CHLSN: variants seen among roughly 807,000 people sequenced by gnomAD.
The protein encoded by CHLSN is protein cholesin.
chr7:987,199 G>C, the CHLSN span: 1,081 of 1,549,506 alleles, frequency 7.0e-4, 7 homozygotes, highest in African/African-American at 0.013. Flanking sequence ...CCTCGGCCAC[G>C]CTGCAGTGGG....
the CHLSN span, among the ~76,000 whole-genome samples, chr7:1,014,813 C>T: frequency 8.5e-3 from 1,240 of 145,640 alleles, 13 homozygotes; most frequent in African/African-American, 0.032. Flanking sequence ...GATCCGGCCA[C>T]GGCAGCGTTC....
chr7:1,014,433 C>T, the CHLSN span, among the ~76,000 whole-genome samples: 3 of 152,266 alleles, frequency 2.0e-5, no homozygotes, highest in Non-Finnish European at 2.9e-5. Context: ...TTCCGCCCAC[C>T]CCACCCGTCC....
At chr7:1,055,354 G>A in the CHLSN span, 3 of 470,894 alleles carry the variant, frequency 6.4e-6, no homozygotes, top group East Asian at 6.9e-5. Context: ...AAGAGCCTGC[G>A]GGTTTGCAGA....
At chr7:1,040,183 T>TAAAAAAAAAA in the CHLSN span, among the ~76,000 whole-genome samples, 5 of 74,526 alleles carry the variant, frequency 6.7e-5, no homozygotes, top group African/African-American at 2.3e-4. Flanking sequence ...AAAATAAATT[T>TAAAAAAAAAA]AAAAAAAAAA....
chr7:1,035,291 G>A, the CHLSN span, among the ~76,000 whole-genome samples: 1 of 152,264 alleles, frequency 6.6e-6, no homozygotes, highest in Non-Finnish European at 1.5e-5. Flanking sequence ...CTGGTGTCAT[G>A]TCTTTGTGAC....
the CHLSN span, chr7:1,044,439 G>A: frequency 2.0e-5 from 3 of 151,338 alleles, no homozygotes; most frequent in African/African-American, 7.3e-5. Context: ...GCGGTTCCCC[G>A]CGGTCTAGCC....
chr7:1,090,009 G>A, the CHLSN span, among the ~76,000 whole-genome samples: 331 of 151,924 alleles, frequency 2.2e-3, 3 homozygotes, highest in African/African-American at 6.4e-3. Context: ...ACTCTAACCC[G>A]GGAGGCGGCA....
the CHLSN span, among the ~76,000 whole-genome samples, chr7:1,079,238 G>A: frequency 6.6e-6 from 1 of 152,258 alleles, no homozygotes; most frequent in Non-Finnish European, 1.5e-5. Context: ...ACACACCTGA[G>A]GCTGCGGAGG....
the CHLSN span, among the ~76,000 whole-genome samples, chr7:1,071,029 C>T: frequency 1.3e-5 from 2 of 152,254 alleles, no homozygotes; most frequent in Non-Finnish European, 1.5e-5. Flanking sequence ...CATGCACACA[C>T]ATGTACATGC....
At chr7:1,110,852 A>C in the CHLSN span, among the ~76,000 whole-genome samples, 3 of 152,308 alleles carry the variant, frequency 2.0e-5, no homozygotes, top group Non-Finnish European at 4.4e-5. Flanking sequence ...GCAATTCACA[A>C]AAAAAAACCA....
chr7:1,075,541 AAAAG>A, the CHLSN span, among the ~76,000 whole-genome samples: 1 of 151,988 alleles, frequency 6.6e-6, no homozygotes, highest in Non-Finnish European at 1.5e-5. Flanking sequence ...AAATTAAAAA[AAAAG>A]GAAAAGAAAC....
the CHLSN span, among the ~76,000 whole-genome samples, chr7:1,099,255 G>A: frequency 6.0e-5 from 9 of 149,262 alleles, no homozygotes; most frequent in East Asian, 4.0e-4. Context: ...TTCCTGCAGC[G>A]GCCTCCCCTT....
At chr7:1,077,160 A>T in the CHLSN span, among the ~76,000 whole-genome samples, 1 of 151,932 alleles carries the variant, frequency 6.6e-6, no homozygotes, top group Admixed American at 6.6e-5. Context: ...ATTTTTATTT[A>T]TTTTTATTTT....
chr7:1,070,875 CGT>C, the CHLSN span, among the ~76,000 whole-genome samples: 2 of 147,176 alleles, frequency 1.4e-5, no homozygotes. Context: ...GGTGCGCACA[CGT>C]GCACATGCAC....
At chr7:1,016,390 C>T in the CHLSN span, among the ~76,000 whole-genome samples, 3 of 75,408 alleles carry the variant, frequency 4.0e-5, no homozygotes, top group Admixed American at 1.3e-4. Flanking sequence ...CAGCAGCACA[C>T]GCCAGCACAC....
chr7:1,083,202 G>A, the CHLSN span, among the ~76,000 whole-genome samples: 839 of 152,350 alleles, frequency 5.5e-3, 8 homozygotes, highest in African/African-American at 0.019. Flanking sequence ...TGGGAGACCC[G>A]CAAAACTGCC....
the CHLSN span, among the ~76,000 whole-genome samples, chr7:1,101,859 G>C: frequency 6.6e-6 from 1 of 152,264 alleles, no homozygotes; most frequent in Admixed American, 6.5e-5. Context: ...AGCCCTGCTC[G>C]GCCTCCAGAA....
chr7:1,093,552 G>A, the CHLSN span: 1 of 471,072 alleles, frequency 2.1e-6, no homozygotes, highest in Non-Finnish European at 4.4e-6. Context: ...GTCTGCTCCG[G>A]GGTGGTTCAG....
the CHLSN span, among the ~76,000 whole-genome samples, chr7:1,136,472 A>AT: frequency 6.5e-4 from 77 of 118,476 alleles, 3 homozygotes; most frequent in African/African-American, 2.7e-3. Context: ...AAACATATAT[A>AT]AATATATAAA....
Sources: gnomAD v4.1 joint callset for allele counts (sites outside exome capture counted in the v4.1 genomes callset) on GRCh38, gnomAD v4.1.1 for gene constraint, MANE v1.5 for transcripts, NCBI Gene and HGNC (gene_info 2026-07-23, HGNC 2026-07-21) for gene names.